PCDHGA2: variants seen among roughly 807,000 people sequenced by gnomAD.
PCDHGA2 encodes the protein protocadherin gamma subfamily A, 2.
In PCDHGA2, 40 loss-of-function variants were observed where a neutral mutation model predicts 59.2. That is an observed-to-expected ratio of 0.68 (90% CI 0.52 to 0.88). The LOEUF (loss-of-function observed/expected upper bound fraction) is 0.88, where lower values mean the gene tolerates loss of function less well. PCDHGA2 is among the 40% of genes least tolerant of loss of function. PCDHGA2 has a pLI of 0.00. For missense variants in PCDHGA2, 1,226 were observed against 1,204.0 expected (o/e 1.02, Z -0.27); for synonymous variants, 560 against 526.0 (o/e 1.06, Z -0.89).
At position 141,420,872 on chromosome 5, in the gene PCDHGA2, G is replaced by A. The variant is rs575322685; in HGVS notation, c.2425-73935G>A. 3.3e-5 allele frequency among the ~76,000 whole-genome samples: 5 copies of A among 152,328 alleles called. No homozygotes were observed. The East Asian group carries it at 7.7e-4, about 24-fold the overall frequency. On this transcript the variant is annotated intron_variant, in intron 1 of 3. Coordinates refer to ENST00000394576, the MANE Select transcript of PCDHGA2 (RefSeq NM_018915.4). ...AAAGTTTTAACGTCACATAATGTAA[G>A]TATTGTGTATCATCGTTTTTAAGCT...
intron 1 of PCDHGA2, among the ~76,000 whole-genome samples, chr5:141,445,263 C>T (rs1170484721): frequency 1.3e-5 from 2 of 152,152 alleles, no homozygotes; most frequent in African/African-American, 2.4e-5. Context: ...GAATATAAGT[C>T]GAAACCACTC....
chr5:141,352,815 C>T, intron 1 of PCDHGA2: 2 of 818,646 alleles, frequency 2.4e-6, no homozygotes, highest in East Asian at 2.7e-5. Flanking sequence ...GATGGTAAAA[C>T]CCGGTCTACT....
chr5:141,340,430 G>C lies in PCDHGA2; in HGVS notation c.1459G>C (p.Val487Leu). 1 of 1,614,216 alleles carries C rather than the reference G, an allele frequency of 6.2e-7. No homozygotes were observed. Among genetic ancestry groups the C allele is most frequent in the South Asian group, 1.1e-5 (1 of 91,080 alleles). ...HDPDSNDNAH[V>L]TYSFAEDTVQ... ...CCCCGACAGCAACGACAATGCTCATGTAACTTACTCTTTCGCGGAGGACAC... is the reference window on the plus strand; with the variant it reads ...CCCCGACAGCAACGACAATGCTCATCTAACTTACTCTTTCGCGGAGGACAC... Residue 487 changes from valine (V) to leucine (L), a missense_variant, in exon 1 of 4, where the codon GTA (valine) becomes CTA (leucine). Physicochemically the swap from Val to Leu is conservative, Grantham distance 32. Transcript: ENST00000394576.
In PCDHGA2 at chr5:141,476,737, G is replaced by A. The variant is rs1420138912; in HGVS notation, c.2425-18070G>A. ...AGCGCGCCCTGGACCGAGAACGGGA[G>A]CCTAGTCTCCAGTTAGTGCTGACGG... is the stretch of plus-strand genomic sequence containing the variant. On this transcript the variant is annotated intron_variant, in intron 1 of 3. Coordinates refer to ENST00000394576, the MANE Select transcript of PCDHGA2 (RefSeq NM_018915.4). This position sits in a 1 kb window ranked among gnomAD's most constrained non-coding sequence, Gnocchi z 7.6. The A allele has an allele frequency of 3.1e-6, 5 of 1,613,982 alleles. No individual in the cohort carries two copies. Among genetic ancestry groups the A allele is most frequent in the Non-Finnish European group, 4.2e-6 (5 of 1,180,038 alleles).
chr5:141,350,143 G>C lies in PCDHGA2; in HGVS notation c.2424+8748G>C, dbSNP rs189392014. ...TGCACTGAGCACAGACGCTGCTCCT[G>C]TTCACCCTCGAGCGCCTAACTAATA... On this transcript the variant is annotated intron_variant, in intron 1 of 3. Transcript: ENST00000394576. The C allele has an allele frequency of 4.3e-5, 37 of 857,550 alleles. 1 individual carries two copies. The Admixed American group carries it at 9.7e-4, about 22-fold the overall frequency. The allele number at this position is 857,550 out of a possible 1,614,324, so 53.1% of individuals were successfully genotyped here. A position where few individuals can be genotyped will look rare whatever the true frequency, so the allele number is the denominator to read the frequency against.
At chr5:141,352,445 T>C (rs1759015395) in intron 1 of PCDHGA2, 1 of 1,614,006 alleles carries the variant, frequency 6.2e-7, no homozygotes. Flanking sequence ...CGGTCTCTGC[T>C]CCAAGTCTGG....
rs555713417 is a variant in PCDHGA2, at chr5:141,357,809, T to C, written c.2424+16414T>C. ...ATTTACCACACAAAAATGTTGTTTATTACTTATCCTTTTTGGTCTTCATTC... is the reference window on the plus strand; with the variant it reads ...ATTTACCACACAAAAATGTTGTTTACTACTTATCCTTTTTGGTCTTCATTC... On this transcript the variant is annotated intron_variant, in intron 1 of 3. Coordinates refer to ENST00000394576, the MANE Select transcript of PCDHGA2 (RefSeq NM_018915.4). 4.0e-5 allele frequency: 30 copies of C among 756,534 alleles called. No individual in the cohort carries two copies. In the East Asian group the frequency reaches 6.6e-4, roughly 17 times the overall value. 46.9% of individuals were successfully genotyped at this position (756,534 alleles called of 1,614,324 possible).
At chr5:141,427,882 A>G (rs2097084180) in intron 1 of PCDHGA2, 3 of 1,563,878 alleles carry the variant, frequency 1.9e-6, no homozygotes, top group Non-Finnish European at 2.6e-6. Flanking sequence ...ATGCAGGCCC[A>G]CGACCAGGGC....
intron 1 of PCDHGA2, chr5:141,413,382 CAT>C (rs752944261): frequency 2.5e-6 from 4 of 1,613,998 alleles, no homozygotes; most frequent in Non-Finnish European, 3.4e-6. Flanking sequence ...GCGGAGTCCG[CAT>C]AGTCTCCAGA....
intron 1 of PCDHGA2, among the ~76,000 whole-genome samples, chr5:141,460,508 G>C (rs1390313220): frequency 6.6e-6 from 1 of 152,040 alleles, no homozygotes; most frequent in East Asian, 1.9e-4. Context: ...TGCTGAGAAG[G>C]CTATCTTTTC....
At chr5:141,418,520 C>T (rs766042374) in intron 1 of PCDHGA2, 3 of 1,613,936 alleles carry the variant, frequency 1.9e-6, no homozygotes, top group Non-Finnish European at 2.5e-6. Flanking sequence ...TGGGGACCCT[C>T]CCCGAAGCGG....
At chr5:141,480,873 C>T (rs1026513782) in intron 1 of PCDHGA2, among the ~76,000 whole-genome samples, 5 of 152,050 alleles carry the variant, frequency 3.3e-5, no homozygotes, top group Non-Finnish European at 7.4e-5. Context: ...GGTGAAACCC[C>T]GTCTCTACTA....
chr5:141,451,874 C>T (rs1264178631), intron 1 of PCDHGA2, among the ~76,000 whole-genome samples: 1 of 151,956 alleles, frequency 6.6e-6, no homozygotes, highest in Non-Finnish European at 1.5e-5. Context: ...GAATGAAACC[C>T]TGTCAAGAAA....
chr5:141,418,599 A>C, intron 1 of PCDHGA2: 2 of 1,614,054 alleles, frequency 1.2e-6, no homozygotes. Context: ...CAGGACGTGT[A>C]CAGGGTTAGC....
intron 1 of PCDHGA2, chr5:141,364,834 G>T: frequency 6.2e-7 from 1 of 1,613,982 alleles, no homozygotes. Context: ...ACTCTCTCCG[G>T]AGTTACCAGC....
At chr5:141,393,000 G>C (rs772046833) in intron 1 of PCDHGA2, 5 of 1,613,856 alleles carry the variant, frequency 3.1e-6, no homozygotes, top group African/African-American at 1.3e-5. Context: ...GGCGAAGCAC[G>C]GAGTCCGTAT....
At chr5:141,380,163 G>A (rs765381808) in intron 1 of PCDHGA2, among the ~76,000 whole-genome samples, 1 of 152,092 alleles carries the variant, frequency 6.6e-6, no homozygotes, top group African/African-American at 2.4e-5. Context: ...GCCTCTCAAA[G>A]GGCTGGGATT....
At chr5:141,462,062 A>T (rs957948334) in intron 1 of PCDHGA2, among the ~76,000 whole-genome samples, 3 of 152,168 alleles carry the variant, frequency 2.0e-5, no homozygotes, top group African/African-American at 2.4e-5. Context: ...ACCTCAGGTG[A>T]TCTGCCCGCC....
intron 1 of PCDHGA2, chr5:141,352,711 C>T (rs1332083598): frequency 5.8e-6 from 9 of 1,542,040 alleles, no homozygotes; most frequent in African/African-American, 4.1e-5. Context: ...ATATGGCGGC[C>T]GGGCGCGGTG....
Sources: allele counts gnomAD v4.1 joint callset (sites outside exome capture counted in the v4.1 genomes callset), GRCh38; gene constraint gnomAD v4.1.1; non-coding constraint Gnocchi (gnomAD v3.1); transcripts MANE v1.5; gene names NCBI Gene and HGNC (gene_info 2026-07-23, HGNC 2026-07-21).